The following DACH1 variants were observed in gnomAD, a reference collection of about 807,000 sequenced individuals.
DACH1 encodes the protein dachshund homolog 1.
Under a neutral mutation model 54.2 loss-of-function variants are expected in DACH1, and 12 were observed. The observed-to-expected ratio is 0.22, with a 90% CI of 0.14 to 0.36. DACH1 has a LOEUF of 0.36. Among genes scored for constraint, DACH1 ranks in the 10% least tolerant of loss-of-function variants. The pLI, the probability that DACH1 is intolerant of heterozygous loss-of-function variation, is 1.00. For synonymous variants in DACH1, 386 were observed against 366.2 expected, an observed-to-expected ratio of 1.05 and a Z score of -0.62; for missense variants, 805 against 929.8, an observed-to-expected ratio of 0.87 and a Z score of 1.75.
chr13:71,624,174 T>C (rs1876467564), intron 3 of DACH1, among the ~76,000 whole-genome samples: 1 of 151,920 alleles, frequency 6.6e-6, no homozygotes, highest in Non-Finnish European at 1.5e-5. Context: ...CAATTTTGTG[T>C]AAAAATTTCA....
chr13:71,774,277 T>C (rs1344238970), intron 1 of DACH1, among the ~76,000 whole-genome samples: 1 of 152,168 alleles, frequency 6.6e-6, no homozygotes, highest in African/African-American at 2.4e-5. Context: ...GAAGCTACAT[T>C]GCCAAAATTA....
chr13:71,559,901 G>A lies in DACH1; in HGVS notation c.1354C>T (p.Pro452Ser). The change falls in exon 5 of 11, where the codon CCT becomes TCT. Residue 452 changes from proline (P) to serine (S), a missense_variant. Pro to Ser is a moderately conservative substitution (Grantham distance 74). This residue lies in a region of DACH1 where 472 missense variants were observed against 545.3 expected (regional missense o/e 0.87). Coordinates refer to ENST00000613252, the MANE Select transcript of DACH1 (RefSeq NM_080759.6). ...PAPSLEEGRR[P>S]GSHPSSHRSS... The stretch of plus-strand genomic sequence containing the variant: ...CGATGTGATGATGGGTGACTGCCAG[G>A]CCTTCTCCCCTCCTCCAGAGAGGGG... The A allele has an allele frequency of 6.2e-7, 1 of 1,609,922 alleles. No individual in the cohort carries two copies. Among genetic ancestry groups the A allele is most frequent in the Non-Finnish European group, 8.5e-7 (1 of 1,178,172 alleles).
At chr13:71,573,673 G>A (rs1186996007) in intron 3 of DACH1, 5 of 434,382 alleles carry the variant, frequency 1.2e-5, no homozygotes, top group Non-Finnish European at 2.1e-5. Flanking sequence ...CACATTTGGA[G>A]TTGGAAAACT....
intron 1 of DACH1, among the ~76,000 whole-genome samples, chr13:71,731,099 T>C (rs1011174583): frequency 6.6e-6 from 1 of 152,080 alleles, no homozygotes. Context: ...GTGTCTAAAG[T>C]AGTTGAACTC....
chr13:71,717,230 TGTCA>T (rs893979182), intron 1 of DACH1, among the ~76,000 whole-genome samples: 4 of 152,190 alleles, frequency 2.6e-5, no homozygotes, highest in South Asian at 2.1e-4. Flanking sequence ...TTATTTTAAA[TGTCA>T]GTCAAATAAT....
At chr13:71,511,785 T>A (rs1045249318) in intron 6 of DACH1, among the ~76,000 whole-genome samples, 2 of 152,022 alleles carry the variant, frequency 1.3e-5, no homozygotes, top group African/African-American at 4.8e-5. Flanking sequence ...CCACTTAGCC[T>A]TTAACTAGAT....
At chr13:71,858,901 C>T (rs1874176489) in intron 1 of DACH1, among the ~76,000 whole-genome samples, 1 of 151,638 alleles carries the variant, frequency 6.6e-6, no homozygotes, top group Admixed American at 6.6e-5. Context: ...GCCTCTCTCT[C>T]TCTCTCTCTC....
intron 3 of DACH1, among the ~76,000 whole-genome samples, chr13:71,609,840 T>C (rs751908495): frequency 7.9e-5 from 12 of 152,134 alleles, no homozygotes; most frequent in Non-Finnish European, 1.6e-4. Flanking sequence ...AGTTGACTTT[T>C]TATCTTGATA....
At chr13:71,695,592 C>T (rs1254982201) in intron 1 of DACH1, among the ~76,000 whole-genome samples, 15 of 152,140 alleles carry the variant, frequency 9.9e-5, no homozygotes, top group Admixed American at 9.8e-4. Context: ...GTCAAGGGCT[C>T]CAAGGCAGAA....
intron 2 of DACH1, among the ~76,000 whole-genome samples, chr13:71,681,243 G>A (rs1880880463): frequency 6.6e-6 from 1 of 152,124 alleles, no homozygotes; most frequent in African/African-American, 2.4e-5. Flanking sequence ...TGGAGCTTAT[G>A]AAGTCAAGAC....
rs374769182 is a variant in DACH1 at position 71,766,109 on chromosome 13, G to A, written c.849-84199C>T. ...CACTGTGTTAGCCAGGATGGTCTCGGTCTCCTGACCTCGTGATCCGTCCGC... is the reference window on the plus strand; with the variant it reads ...CACTGTGTTAGCCAGGATGGTCTCGATCTCCTGACCTCGTGATCCGTCCGC... On this transcript the variant is annotated intron_variant, in intron 1 of 10. Coordinates refer to ENST00000613252, the MANE Select transcript of DACH1 (RefSeq NM_080759.6). 4.0e-3 allele frequency among the ~76,000 whole-genome samples: 600 copies of A among 151,892 alleles called. 34 individuals carry two copies. The East Asian group carries it at 0.1, about 26-fold the overall frequency.
At position 71,634,622 on chromosome 13, in the gene DACH1, C is replaced by T. The variant is rs185865204; in HGVS notation, c.965-3905G>A. The stretch of plus-strand genomic sequence containing the variant: ...AGGTTCCTGACTCTTAACTATCTAC[C>T]TAGGAAAGAGCTCTCAACATCTCAA... On this transcript the variant is annotated intron_variant, in intron 2 of 10. Transcript: ENST00000613252. Among the ~76,000 whole-genome samples the T allele has an allele frequency of 1.1e-4, 16 of 152,280 alleles. 1 individual carries two copies. Among genetic ancestry groups the T allele is most frequent in the Admixed American group, 6.5e-4 (10 of 15,292 alleles).
At chr13:71,441,151 C>T (rs919828464) in intron 10 of DACH1, among the ~76,000 whole-genome samples, 4 of 152,026 alleles carry the variant, frequency 2.6e-5, no homozygotes, top group Non-Finnish European at 5.9e-5. Flanking sequence ...AACTATTGTG[C>T]ACATTCGTTG....
chr13:71,716,214 T>C (rs897315515), intron 1 of DACH1, among the ~76,000 whole-genome samples: 1 of 152,068 alleles, frequency 6.6e-6, no homozygotes, highest in African/African-American at 2.4e-5. Flanking sequence ...ATCTTCCAAC[T>C]CACTCTCTTC....
At chr13:71,495,537 A>C (rs2138218115) in intron 6 of DACH1, among the ~76,000 whole-genome samples, 1 of 152,274 alleles carries the variant, frequency 6.6e-6, no homozygotes, top group East Asian at 1.9e-4. Context: ...TTCCAGACAT[A>C]AAACACAGTT....
intron 1 of DACH1, among the ~76,000 whole-genome samples, chr13:71,856,372 A>G (rs1457102860): frequency 6.6e-6 from 1 of 152,002 alleles, no homozygotes; most frequent in Non-Finnish European, 1.5e-5. Context: ...TAAGAAAAAA[A>G]TCAGTGAACA....
At chr13:71,651,000 G>T (rs952598900) in intron 2 of DACH1, among the ~76,000 whole-genome samples, 2 of 152,046 alleles carry the variant, frequency 1.3e-5, no homozygotes, top group Admixed American at 1.3e-4. Context: ...ACTTTTTATT[G>T]TTAGTAAAAA....
chr13:71,837,642 A>T (rs914066905), intron 1 of DACH1, among the ~76,000 whole-genome samples: 3 of 152,074 alleles, frequency 2.0e-5, no homozygotes, highest in African/African-American at 7.2e-5. Context: ...GTGAGTATGA[A>T]AGGTCTAAGA....
chr13:71,800,916 C>T (rs1431614683), intron 1 of DACH1, among the ~76,000 whole-genome samples: 3 of 150,770 alleles, frequency 2.0e-5, no homozygotes, highest in South Asian at 2.1e-4. Context: ...AGACATTGCA[C>T]ATTGCTAATA....
Sources: gnomAD v4.1 joint callset for allele counts (sites outside exome capture counted in the v4.1 genomes callset) on GRCh38, gnomAD v4.1.1 for gene constraint, gnomAD v4.1.1 regional missense constraint, MANE v1.5 for transcripts, NCBI Gene and HGNC (gene_info 2026-07-23, HGNC 2026-07-21) for gene names.